PRKCE: variants seen among roughly 807,000 people sequenced by gnomAD.
PRKCE encodes the protein protein kinase C epsilon, also known as protein kinase C epsilon type.
A neutral mutation model predicts 85.4 loss-of-function variants in PRKCE; 16 were observed. The observed-to-expected ratio is 0.19, with a 90% CI of 0.13 to 0.28. The LOEUF is 0.28. PRKCE is among the 10% of genes least tolerant of loss of function. The pLI is 1.00. For missense variants in PRKCE, 573 were observed against 975.2 expected (o/e 0.59, Z 5.49); for synonymous variants, 388 against 371.5 (o/e 1.04, Z -0.51).
chr2:45,757,613 C>G (rs1684118155), intron 1 of PRKCE, among the ~76,000 whole-genome samples: 1 of 151,806 alleles, frequency 6.6e-6, no homozygotes. Context: ...GTTACAGTGG[C>G]CATGATCACA....
At chr2:45,987,492 A>T (rs932633635) in intron 6 of PRKCE, among the ~76,000 whole-genome samples, 1 of 151,808 alleles carries the variant, frequency 6.6e-6, no homozygotes, top group Non-Finnish European at 1.5e-5. Flanking sequence ...CTCTCTCTTT[A>T]ATTAAGAAAC....
rs188899285 is a variant in PRKCE, at chr2:46,059,065, C to T, written c.1438-27143C>T. Among the ~76,000 whole-genome samples the T allele has an allele frequency of 5.1e-3, 771 of 152,246 alleles. 8 individuals carry two copies. Among genetic ancestry groups the T allele is most frequent in the African/African-American group, 0.017 (709 of 41,530 alleles). ...TGGTTGCAGTGGCTCATGCCTGTAACGTGGCAAGACCGTGTCTCCACAAAA... is the reference window on the plus strand; with the variant it reads ...TGGTTGCAGTGGCTCATGCCTGTAATGTGGCAAGACCGTGTCTCCACAAAA... On this transcript the variant is annotated intron_variant, in intron 10 of 14. Transcript: ENST00000306156.
At chr2:45,698,840 G>A (rs1016220377) in intron 1 of PRKCE, among the ~76,000 whole-genome samples, 1 of 152,148 alleles carries the variant, frequency 6.6e-6, no homozygotes, top group African/African-American at 2.4e-5. Context: ...TTAGAGGGGA[G>A]TAGAACAGAC....
intron 2 of PRKCE, among the ~76,000 whole-genome samples, chr2:45,887,462 TA>T (rs947955818): frequency 2.0e-5 from 3 of 152,062 alleles, no homozygotes; most frequent in Admixed American, 6.6e-5. Context: ...CTTATAGAAC[TA>T]TGAAGAGTTC....
chr2:45,877,154 A>G (rs1349503937), intron 2 of PRKCE, among the ~76,000 whole-genome samples: 1 of 152,176 alleles, frequency 6.6e-6, no homozygotes, highest in Non-Finnish European at 1.5e-5. Context: ...TGAGCACCTT[A>G]AAGGTAACAT....
In PRKCE at chr2:46,030,554, C is replaced by A. The variant is rs994719948; in HGVS notation, c.1437+20037C>A. 3.9e-5 allele frequency among the ~76,000 whole-genome samples: 6 copies of A among 152,114 alleles called. 1 individual carries two copies. The highest frequency in any genetic ancestry group is 1.5e-4 in the African/African-American group (6 of 41,374). On this transcript the variant is annotated intron_variant, in intron 10 of 14. Coordinates refer to ENST00000306156, the MANE Select transcript of PRKCE (RefSeq NM_005400.3). ...CCCTGGGGATTCTGAAGTCCTGTCCCTCCTCCCTCTTGCTGTTACTTCTGA... is the reference window on the plus strand; with the variant it reads ...CCCTGGGGATTCTGAAGTCCTGTCCATCCTCCCTCTTGCTGTTACTTCTGA...
chr2:45,747,032 T>C (rs2104709203), intron 1 of PRKCE, among the ~76,000 whole-genome samples: 1 of 152,334 alleles, frequency 6.6e-6, no homozygotes, highest in Non-Finnish European at 1.5e-5. Context: ...ATTGCTCCAC[T>C]ACTGAGACAC....
At chr2:46,158,544 C>T (rs975102228) in intron 13 of PRKCE, among the ~76,000 whole-genome samples, 13 of 152,178 alleles carry the variant, frequency 8.5e-5, no homozygotes, top group Non-Finnish European at 1.2e-4. Flanking sequence ...GCATTGAACT[C>T]GAGGCCAGGT....
At chr2:45,807,380 G>A (rs549570983) in intron 1 of PRKCE, among the ~76,000 whole-genome samples, 2 of 152,340 alleles carry the variant, frequency 1.3e-5, no homozygotes, top group South Asian at 4.1e-4. Flanking sequence ...TGATGGCCCA[G>A]AATCATGGCT....
chr2:45,703,758 G>A (rs923190435), intron 1 of PRKCE, among the ~76,000 whole-genome samples: 1 of 152,198 alleles, frequency 6.6e-6, no homozygotes, highest in African/African-American at 2.4e-5. Context: ...TTTTGTTTTG[G>A]TTTTTAAAAG....
At chr2:45,719,040 G>A (rs1175929886) in intron 1 of PRKCE, among the ~76,000 whole-genome samples, 1 of 152,246 alleles carries the variant, frequency 6.6e-6, no homozygotes, top group African/African-American at 2.4e-5. Context: ...AACTTGTGGA[G>A]TAATTCTTGA....
rs918001784 is a variant in PRKCE at position 45,651,960 on chromosome 2, G to T, written c.-141G>T. The T allele has an allele frequency of 5.4e-5, 35 of 650,760 alleles. No homozygotes were observed. The highest frequency in any genetic ancestry group is 8.0e-5 in the Non-Finnish European group (31 of 386,766). The allele number at this position is 650,760 out of a possible 1,614,324, so 40.3% of individuals were successfully genotyped here. On this transcript the variant is annotated 5_prime_UTR_variant, in exon 1 of 15. Transcript: ENST00000306156. ...AGAATCGCCCGCGCCAGGGCGCAAC[G>T]CCACAAGGTGTAGGGAGTGTGCGGG...
intron 1 of PRKCE, among the ~76,000 whole-genome samples, chr2:45,660,985 A>G (rs1675609544): frequency 7.9e-5 from 12 of 152,132 alleles, no homozygotes; most frequent in Admixed American, 7.9e-4. Flanking sequence ...AGGAGGAAAA[A>G]CAGAAGCCTA....
rs1457329661 is a variant in PRKCE at position 45,770,699 on chromosome 2, GCT to G, written c.349-72296_349-72295del. ...GAGAAGCCCAGGGGCTGGGATGCCA[GCT>G]CTCTAACCGTACCCTCTCTCTCAAC... On this transcript the variant is annotated intron_variant, in intron 1 of 14. Transcript: ENST00000306156. 3 of 152,336 alleles carry G rather than the reference GCT, an allele frequency of 2.0e-5. No individual in the cohort carries two copies. In the East Asian group the frequency reaches 5.8e-4, roughly 29 times the overall value. The allele number at this position is 152,336 out of a possible 1,614,324, so 9.4% of individuals were successfully genotyped here.
At chr2:46,047,305 A>G (rs78448334) in intron 10 of PRKCE, among the ~76,000 whole-genome samples, 4,096 of 152,328 alleles carry the variant, frequency 0.027, 121 homozygotes, top group South Asian at 0.12. Context: ...AGGGAACCCG[A>G]GGAACTTGAA....
intron 1 of PRKCE, among the ~76,000 whole-genome samples, chr2:45,828,241 T>G (rs937707739): frequency 1.2e-4 from 19 of 152,228 alleles, no homozygotes; most frequent in Admixed American, 4.6e-4. Context: ...CAAAGGATTT[T>G]TCAATTAGAT....
chr2:45,673,346 A>G (rs1183559463), intron 1 of PRKCE, among the ~76,000 whole-genome samples: 1 of 152,250 alleles, frequency 6.6e-6, no homozygotes, highest in Non-Finnish European at 1.5e-5. Context: ...AGAGTAAATG[A>G]AGCTAAACAT....
intron 10 of PRKCE, among the ~76,000 whole-genome samples, chr2:46,051,847 A>G (rs753287413): frequency 1.3e-5 from 2 of 152,190 alleles, no homozygotes; most frequent in African/African-American, 2.4e-5. Context: ...GAAAGTTACA[A>G]TCATGGCGGA....
rs371863961 is a variant in PRKCE at position 46,184,716 on chromosome 2, T to C, written c.2068-19T>C. ...GGGAGAGCAGCCTCAACTCACCACT[T>C]TCTCTTTTCTTCCCACAGAAAACCA... is the stretch of plus-strand genomic sequence containing the variant. On this transcript the variant is annotated intron_variant, in intron 14 of 14. Transcript: ENST00000306156. The surrounding 1 kb of genome is among the most constrained non-coding windows in gnomAD (Gnocchi z 5.0). 2.5e-6 allele frequency: 4 copies of C among 1,598,796 alleles called. No homozygotes were observed. The highest frequency in any genetic ancestry group is 3.4e-6 in the Non-Finnish European group (4 of 1,179,502).
Sources: allele counts gnomAD v4.1 joint callset (sites outside exome capture counted in the v4.1 genomes callset), GRCh38; gene constraint gnomAD v4.1.1; non-coding constraint Gnocchi (gnomAD v3.1); transcripts MANE v1.5; gene names NCBI Gene and HGNC (gene_info 2026-07-23, HGNC 2026-07-21).